The following RGS20 variants were observed in gnomAD, a reference collection of about 807,000 sequenced individuals.
RGS20 encodes regulator of G protein signaling 20.
In RGS20, 30 loss-of-function variants were observed where a neutral mutation model predicts 33.6. That is an observed-to-expected ratio of 0.89 (90% CI 0.67 to 1.21). The LOEUF (loss-of-function observed/expected upper bound fraction) is 1.21, where lower values mean the gene tolerates loss of function less well. Ranked by LOEUF, RGS20 falls within the 50% of genes most tolerant of loss-of-function variation. The probability of loss-of-function intolerance (pLI) is 0.00; values close to 1 mark genes in which losing one functional copy is unlikely to be tolerated. For synonymous variants in RGS20, 208 were observed against 197.9 expected, an observed-to-expected ratio of 1.05 and a Z score of -0.43; for missense variants, 472 against 502.4, an observed-to-expected ratio of 0.94 and a Z score of 0.58.
intron 2 of RGS20, among the ~76,000 whole-genome samples, chr8:53,922,656 GTA>G (rs756978523): frequency 6.6e-6 from 1 of 151,694 alleles, no homozygotes. Context: ...TTTTTTCACT[GTA>G]TGTGTATATT....
intron 2 of RGS20, among the ~76,000 whole-genome samples, chr8:53,906,443 G>A (rs1476791643): frequency 6.6e-6 from 1 of 152,156 alleles, no homozygotes; most frequent in African/African-American, 2.4e-5. Context: ...CCCTAAGTGT[G>A]CTGGCAAATG....
At position 53,931,913 on chromosome 8, in the gene RGS20, A is replaced by T. The variant is rs1170082953; in HGVS notation, c.511-7663A>T. On this transcript the variant is annotated intron_variant, in intron 2 of 5. Transcript: ENST00000297313. ...CCACAGTCTTTGCAACCTACAGACC[A>T]AAAGATTTCCTCTGATGCCTACACC... is the stretch of plus-strand genomic sequence containing the variant. 2.0e-5 allele frequency among the ~76,000 whole-genome samples: 3 copies of T among 152,136 alleles called. No individual in the cohort carries two copies. The East Asian group carries it at 5.8e-4, about 29-fold the overall frequency.
intron 2 of RGS20, among the ~76,000 whole-genome samples, chr8:53,932,885 T>C (rs1814015617): frequency 1.3e-5 from 2 of 152,090 alleles, no homozygotes; most frequent in African/African-American, 4.8e-5. Flanking sequence ...CCAACTGGCC[T>C]CTGGTGGGTG....
chr8:53,946,354 C>T (rs147783280), intron 3 of RGS20, among the ~76,000 whole-genome samples: 22 of 152,178 alleles, frequency 1.4e-4, no homozygotes, highest in South Asian at 2.1e-4. Context: ...TGAGCCACCG[C>T]GCCGAACCCT....
At chr8:53,885,384 C>T (rs575957148) in intron 2 of RGS20, among the ~76,000 whole-genome samples, 2 of 152,238 alleles carry the variant, frequency 1.3e-5, no homozygotes, top group South Asian at 2.1e-4. Context: ...GAGGCCGAGG[C>T]GGGTGGATCA....
intron 1 of RGS20, among the ~76,000 whole-genome samples, chr8:53,876,844 T>C (rs977908749): frequency 5.3e-5 from 8 of 152,210 alleles, no homozygotes; most frequent in African/African-American, 1.7e-4. Flanking sequence ...CTTGTTTTTC[T>C]TGGATCAGGT....
intron 2 of RGS20, among the ~76,000 whole-genome samples, chr8:53,898,964 G>A (rs973024163): frequency 6.6e-6 from 1 of 152,242 alleles, no homozygotes; most frequent in Admixed American, 6.5e-5. Flanking sequence ...ACTGTAGCAT[G>A]ATGGTCAGGG....
At position 53,879,501 on chromosome 8, in the gene RGS20, C is replaced by G; in HGVS notation, c.409C>G (p.Leu137Val). 1 of 1,552,820 alleles carries G rather than the reference C, an allele frequency of 6.4e-7. No homozygotes were observed. The highest frequency in any genetic ancestry group is 8.7e-7 in the Non-Finnish European group (1 of 1,151,488). ...GCTCCTGCTCGGGGCGGCGCTGGCA[C>G]TGCCCGGCCGACCCTCGGGGGGTCG... is the stretch of plus-strand genomic sequence containing the variant. The change falls in exon 2 of 6, where the codon CTG becomes GTG. Residue 137 changes from leucine (L) to valine (V), a missense_variant. By Grantham distance (32) the Leu-to-Val change is conservative. This residue lies in a region of RGS20 where 319 missense variants were observed against 283.4 expected (regional missense o/e 1.13). Transcript: ENST00000297313.
intron 2 of RGS20, chr8:53,881,066 C>T (rs1486494468): frequency 1.3e-6 from 2 of 1,548,854 alleles, no homozygotes; most frequent in Non-Finnish European, 8.6e-7. Flanking sequence ...CCCCGGCCGG[C>T]AGGGTGGACG....
chr8:53,887,680 T>C (rs753316368), intron 2 of RGS20, among the ~76,000 whole-genome samples: 13 of 152,108 alleles, frequency 8.5e-5, no homozygotes, highest in Admixed American at 2.6e-4. Flanking sequence ...TAGACTACTG[T>C]TAAAAAGTAC....
chr8:53,857,067 C>T (rs1328222052), intron 1 of RGS20, among the ~76,000 whole-genome samples: 1 of 152,220 alleles, frequency 6.6e-6, no homozygotes, highest in East Asian at 1.9e-4. Context: ...TTCTGTCCTG[C>T]CTCCATTTGT....
chr8:53,922,607 T>C (rs1813679938), intron 2 of RGS20, among the ~76,000 whole-genome samples: 1 of 152,230 alleles, frequency 6.6e-6, no homozygotes, highest in African/African-American at 2.4e-5. Context: ...TCCTTTGTTT[T>C]ATGTTGATAT....
chr8:53,866,387 C>CTTTTT (rs58939238), intron 1 of RGS20, among the ~76,000 whole-genome samples: 4 of 144,868 alleles, frequency 2.8e-5, no homozygotes, highest in African/African-American at 1.0e-4. Context: ...ACATTTACCT[C>CTTTTT]TTTTTTTTTT....
At chr8:53,885,702 G>C (rs1035318368) in intron 2 of RGS20, among the ~76,000 whole-genome samples, 2 of 152,148 alleles carry the variant, frequency 1.3e-5, no homozygotes, top group Non-Finnish European at 1.5e-5. Flanking sequence ...TCTTCCAGGG[G>C]AGGTACTTCT....
Position 53,851,882 on chromosome 8 carries a change from G to A in RGS20, c.-18G>A. On this transcript the variant is annotated 5_prime_UTR_variant, in exon 1 of 6. Transcript: ENST00000297313. ...AAACCAGGCAACAGGACTCATTTGG[G>A]GCCTTTATTGTGAAAACATGCCCCA... 6.2e-7 allele frequency: 1 copy of A among 1,612,910 alleles called. No homozygotes were observed. Among genetic ancestry groups the A allele is most frequent in the Non-Finnish European group, 8.5e-7 (1 of 1,179,396 alleles).
chr8:53,907,509 A>G (rs148223164), intron 2 of RGS20, among the ~76,000 whole-genome samples: 2,406 of 152,082 alleles, frequency 0.016, 52 homozygotes, highest in African/African-American at 0.054. Context: ...GCTTGAACCC[A>G]GGAGGCTGAG....
At chr8:53,933,432 A>T (rs1814033716) in intron 2 of RGS20, among the ~76,000 whole-genome samples, 2 of 152,200 alleles carry the variant, frequency 1.3e-5, no homozygotes, top group African/African-American at 2.4e-5. Context: ...GATGTAGCTG[A>T]AAAACACAGC....
At chr8:53,896,576 G>A (rs1323120112) in intron 2 of RGS20, among the ~76,000 whole-genome samples, 3 of 152,142 alleles carry the variant, frequency 2.0e-5, no homozygotes, top group Non-Finnish European at 4.4e-5. Flanking sequence ...AAGTAAATAC[G>A]AAGTTCAAGC....
chr8:53,869,399 G>T (rs990550609), intron 1 of RGS20, among the ~76,000 whole-genome samples: 3 of 152,118 alleles, frequency 2.0e-5, no homozygotes, highest in Non-Finnish European at 2.9e-5. Flanking sequence ...ATAGGGGCTG[G>T]GTGCGATGGC....
Sources: allele counts gnomAD v4.1 joint callset (sites outside exome capture counted in the v4.1 genomes callset), GRCh38; gene constraint gnomAD v4.1.1; regional missense constraint gnomAD v4.1.1; transcripts MANE v1.5; gene names NCBI Gene and HGNC (gene_info 2026-07-23, HGNC 2026-07-21).